SLCO1A2: variants seen among roughly 807,000 people sequenced by gnomAD.
SLCO1A2 encodes solute carrier organic anion transporter family member 1A2, also known as OATP-1.
A neutral mutation model predicts 69.0 loss-of-function variants in SLCO1A2; 67 were observed. The ratio of observed to expected loss-of-function variants is 0.97; its 90% confidence interval spans 0.80 to 1.19. The LOEUF (loss-of-function observed/expected upper bound fraction) is 1.19. SLCO1A2 is among the 50% of genes most tolerant of loss of function. The pLI, the probability that SLCO1A2 is intolerant of heterozygous loss-of-function variation, is 0.00. For synonymous variants in SLCO1A2, 260 were observed against 265.9 expected (o/e 0.98, Z 0.22); for missense variants, 787 against 793.7 (o/e 0.99, Z 0.10).
At chr12:21,283,777 A>C (rs1253906627) in intron 12 of SLCO1A2, among the ~76,000 whole-genome samples, 4 of 152,330 alleles carry the variant, frequency 2.6e-5, no homozygotes, top group African/African-American at 7.2e-5. Flanking sequence ...CATTTCTCAG[A>C]AGAATAAATA....
Position 21,346,457 on chromosome 12 carries a change from G to A in SLCO1A2, c.-62-11748C>T, listed in dbSNP as rs374942286. ...GTTCAGAAAAATGTCCATTGGTAGC[G>A]TGTACAGTTCAAATCAAGCCATAAT... On this transcript the variant is annotated intron_variant, in intron 2 of 15. Coordinates refer to the SLCO1A2 transcript ENST00000307378. Among the ~76,000 whole-genome samples, 112 of 151,728 alleles carry A rather than the reference G, an allele frequency of 7.4e-4. 1 individual carries two copies. The highest frequency in any genetic ancestry group is 2.6e-3 in the African/African-American group (107 of 41,332).
upstream of SLCO1A2, among the ~76,000 whole-genome samples, chr12:21,398,897 GACAA>G (rs1336233523): frequency 1.3e-5 from 2 of 150,326 alleles, no homozygotes; most frequent in Non-Finnish European, 3.0e-5. Context: ...AGCTATCTAT[GACAA>G]ACCCACAGCC....
intron 2 of SLCO1A2, among the ~76,000 whole-genome samples, chr12:21,330,362 A>T (rs115692334): frequency 0.034 from 5,048 of 148,696 alleles, 78 homozygotes; most frequent in Middle Eastern, 0.051. Context: ...AATAAATAAA[A>T]AAGCTTGGCT....
chr12:21,303,611 T>C (rs559584976), intron 6 of SLCO1A2, among the ~76,000 whole-genome samples: 1 of 152,278 alleles, frequency 6.6e-6, no homozygotes, highest in South Asian at 2.1e-4. Context: ...CAACTATTGA[T>C]AGAATAACAA....
At chr12:21,411,912 C>T (rs1460638839) in intron 1 of SLCO1A2, among the ~76,000 whole-genome samples, 1 of 151,990 alleles carries the variant, frequency 6.6e-6, no homozygotes, top group Non-Finnish European at 1.5e-5. Context: ...AGAGATCAGC[C>T]CACCTTAGCC....
chr12:21,297,177 TCTTCC>T (rs1324669283), intron 9 of SLCO1A2, among the ~76,000 whole-genome samples: 5 of 152,148 alleles, frequency 3.3e-5, no homozygotes, highest in Non-Finnish European at 7.4e-5. Flanking sequence ...ATTTCTGACC[TCTTCC>T]CTTCCCTACC....
intron 2 of SLCO1A2, among the ~76,000 whole-genome samples, chr12:21,366,940 G>GA (rs1057490114): frequency 1.4e-4 from 21 of 151,862 alleles, no homozygotes; most frequent in Admixed American, 1.1e-3. Flanking sequence ...CAAATATCAA[G>GA]AAAAAATTCA....
intron 2 of SLCO1A2, among the ~76,000 whole-genome samples, chr12:21,352,795 ATTGT>A (rs1257334011): frequency 2.0e-5 from 3 of 152,200 alleles, no homozygotes; most frequent in African/African-American, 4.8e-5. Context: ...TGTTTAGTTC[ATTGT>A]TTGGTTGATT....
upstream of SLCO1A2, among the ~76,000 whole-genome samples, chr12:21,399,935 C>G (rs571074861): frequency 3.3e-5 from 5 of 151,966 alleles, no homozygotes; most frequent in South Asian, 1.0e-3. Flanking sequence ...AGAAGAAAAG[C>G]TAGGCATTAC....
At chr12:21,362,652 C>G (rs977889589) in intron 2 of SLCO1A2, among the ~76,000 whole-genome samples, 1 of 152,032 alleles carries the variant, frequency 6.6e-6, no homozygotes, top group Admixed American at 6.6e-5. Flanking sequence ...ATTCAGGAGA[C>G]CCATCTCACA....
At chr12:21,331,720 T>G (rs1487109956) in intron 2 of SLCO1A2, among the ~76,000 whole-genome samples, 1 of 151,966 alleles carries the variant, frequency 6.6e-6, no homozygotes, top group Non-Finnish European at 1.5e-5. Flanking sequence ...AAGCTCAAAC[T>G]TGCCTTCCCT....
At chr12:21,324,044 G>A (rs1175860545) in intron 2 of SLCO1A2, among the ~76,000 whole-genome samples, 1 of 152,140 alleles carries the variant, frequency 6.6e-6, no homozygotes, top group Non-Finnish European at 1.5e-5. Flanking sequence ...AGTTTCCTTG[G>A]AAGTAAACCA....
chr12:21,311,841 G>T (rs375098290), intron 4 of SLCO1A2: 1 of 76,894 alleles, frequency 1.3e-5, no homozygotes, highest in Non-Finnish European at 2.7e-5. Flanking sequence ...CAGGAGAATT[G>T]CTTCAACCCA....
intron 10 of SLCO1A2, chr12:21,295,017 T>C (rs1365040015): frequency 1.3e-5 from 2 of 152,158 alleles, no homozygotes; most frequent in Non-Finnish European, 2.9e-5. Flanking sequence ...GGTGAATTCT[T>C]TTAATGTACA....
Position 21,267,736 on chromosome 12 carries a change from G to A in SLCO1A2, c.*1812C>T, listed in dbSNP as rs1220582113. 6.6e-6 allele frequency: 1 copy of A among 152,056 alleles called. No individual in the cohort carries two copies. Among genetic ancestry groups the A allele is most frequent in the Non-Finnish European group, 1.5e-5 (1 of 68,020 alleles). 9.4% of individuals were successfully genotyped at this position (152,056 alleles called of 1,614,324 possible). On this transcript the variant is annotated 3_prime_UTR_variant, in exon 15 of 15. Coordinates refer to ENST00000683939, the MANE Select transcript of SLCO1A2 (RefSeq NM_001386879.1). The stretch of plus-strand genomic sequence containing the variant: ...TTCCCCTGAAACCTTCTCATGCAGT[G>A]GCTGTTTACTTTTTCTTGCTGCTCT...
At chr12:21,317,295 C>G (rs906301559) in intron 3 of SLCO1A2, among the ~76,000 whole-genome samples, 1 of 152,186 alleles carries the variant, frequency 6.6e-6, no homozygotes, top group East Asian at 1.9e-4. Context: ...CATTCCTAAT[C>G]CTTTCCAACT....
chr12:21,273,631 T>C (rs12300594), intron 14 of SLCO1A2, among the ~76,000 whole-genome samples: 28,326 of 152,040 alleles, frequency 0.19, 3,304 homozygotes, highest in African/African-American at 0.33. Context: ...CCCTCAATAG[T>C]GACCCTTGGG....
At chr12:21,279,678 C>G (rs552337378) in intron 12 of SLCO1A2, among the ~76,000 whole-genome samples, 2 of 152,250 alleles carry the variant, frequency 1.3e-5, no homozygotes, top group East Asian at 3.9e-4. Flanking sequence ...AATACCAGCC[C>G]ATGCTATAAG....
intron 1 of SLCO1A2, among the ~76,000 whole-genome samples, chr12:21,409,130 A>G (rs929889335): frequency 1.3e-5 from 2 of 152,142 alleles, no homozygotes; most frequent in African/African-American, 4.8e-5. Context: ...AGATAGTGTC[A>G]CTTGATGATA....
Sources: gnomAD v4.1 joint callset for allele counts (sites outside exome capture counted in the v4.1 genomes callset) on GRCh38, gnomAD v4.1.1 for gene constraint, MANE v1.5 for transcripts, NCBI Gene and HGNC (gene_info 2026-07-23, HGNC 2026-07-21) for gene names.